The following PTPRM variants were observed in gnomAD, a reference collection of about 807,000 sequenced individuals.
PTPRM encodes protein tyrosine phosphatase receptor type M, also known as receptor-type tyrosine-protein phosphatase mu.
Under a neutral mutation model 186.7 loss-of-function variants are expected in PTPRM, and 47 were observed. The ratio of observed to expected loss-of-function variants is 0.25; its 90% CI spans 0.20 to 0.32. The LOEUF (loss-of-function observed/expected upper bound fraction) is 0.32. Among genes scored for constraint, PTPRM ranks in the 10% least tolerant of loss-of-function variants. The pLI, the probability that PTPRM is intolerant of heterozygous loss-of-function variation, is 1.00. For synonymous variants in PTPRM, 668 were observed against 674.9 expected, an observed-to-expected ratio of 0.99 and a Z score of 0.16; for missense variants, 1,494 against 1,865.0, an observed-to-expected ratio of 0.80 and a Z score of 3.66.
At position 7,937,908 on chromosome 18, in the gene PTPRM, A is replaced by C. The variant is rs183369645; in HGVS notation, c.663+11225A>C. Among the ~76,000 whole-genome samples, 3 of 152,168 alleles carry C rather than the reference A, an allele frequency of 2.0e-5. No individual in the cohort carries two copies. The East Asian group carries it at 5.8e-4, about 30-fold the overall frequency. On this transcript the variant is annotated intron_variant, in intron 5 of 32. Transcript: ENST00000580170. ...AGCCTTCCAGTGGGGCTTACTCTGCATGGGTGACTCCTGTCCTGGTCCATT... is the reference window on the plus strand; with the variant it reads ...AGCCTTCCAGTGGGGCTTACTCTGCCTGGGTGACTCCTGTCCTGGTCCATT...
chr18:8,114,530 A>G (rs1037514943), intron 12 of PTPRM, among the ~76,000 whole-genome samples: 2 of 152,154 alleles, frequency 1.3e-5, no homozygotes, highest in African/African-American at 4.8e-5. Context: ...TTACTAAAGG[A>G]GGTCCGGGGC....
chr18:7,665,747 C>A (rs1433377061), intron 1 of PTPRM, among the ~76,000 whole-genome samples: 1 of 151,866 alleles, frequency 6.6e-6, no homozygotes, highest in Non-Finnish European at 1.5e-5. Context: ...CAATGTGAAG[C>A]CTCATCTCTA....
chr18:8,378,101 A>G, intron 26 of PTPRM, 164 bp from the exon 27 acceptor site: 3 of 642,472 alleles, frequency 4.7e-6, no homozygotes, highest in Non-Finnish European at 8.0e-6. Flanking sequence ...TCTGTGTAAT[A>G]TTTGGCATTG....
chr18:8,056,026 G>C (rs1050365894), intron 7 of PTPRM, among the ~76,000 whole-genome samples: 1 of 152,090 alleles, frequency 6.6e-6, no homozygotes. Context: ...GTCTTATACC[G>C]GATCTAGTTG....
At chr18:8,196,814 C>T (rs923619612) in intron 14 of PTPRM, among the ~76,000 whole-genome samples, 1 of 152,180 alleles carries the variant, frequency 6.6e-6, no homozygotes, top group African/African-American at 2.4e-5. Flanking sequence ...TTCTTTTGAA[C>T]CTTGATGTCA....
intron 1 of PTPRM, among the ~76,000 whole-genome samples, chr18:7,638,008 C>A (rs760557985): frequency 5.9e-5 from 9 of 152,118 alleles, no homozygotes; most frequent in Non-Finnish European, 1.3e-4. Flanking sequence ...GTTCTCTATA[C>A]TTTTATTAAT....
intron 1 of PTPRM, among the ~76,000 whole-genome samples, chr18:7,703,411 G>T (rs1215881992): frequency 6.6e-6 from 1 of 152,136 alleles, no homozygotes; most frequent in South Asian, 2.1e-4. Flanking sequence ...TGGATTCTTA[G>T]GTATTTAATT....
chr18:7,875,692 TAA>T (rs899916755), intron 2 of PTPRM, among the ~76,000 whole-genome samples: 6 of 152,194 alleles, frequency 3.9e-5, no homozygotes, highest in African/African-American at 1.4e-4. Flanking sequence ...AATTTGTTTG[TAA>T]AAACCATTTC....
intron 5 of PTPRM, among the ~76,000 whole-genome samples, chr18:7,932,226 A>T (rs2051533169): frequency 6.6e-6 from 1 of 152,204 alleles, no homozygotes; most frequent in Non-Finnish European, 1.5e-5. Flanking sequence ...TGAGGTGTGC[A>T]TGTTGAGTGA....
At chr18:7,985,043 A>C (rs1416892524) in intron 7 of PTPRM, among the ~76,000 whole-genome samples, 1 of 127,162 alleles carries the variant, frequency 7.9e-6, no homozygotes, top group East Asian at 2.2e-4. Flanking sequence ...AAATATATAC[A>C]TATAATTATA....
intron 23 of PTPRM, among the ~76,000 whole-genome samples, chr18:8,348,663 G>A (rs2095518556): frequency 6.6e-6 from 1 of 152,222 alleles, no homozygotes; most frequent in East Asian, 1.9e-4. Flanking sequence ...CAAAAACTCT[G>A]TTGTGGTATT....
chr18:8,076,685 A>G lies in PTPRM; in HGVS notation c.1551+121A>G, dbSNP rs1447131703. 7.3e-6 allele frequency: 4 copies of G among 544,880 alleles called. No individual in the cohort carries two copies. In the East Asian group the frequency reaches 9.8e-5, roughly 13 times the overall value. The allele number at this position is 544,880 out of a possible 1,614,324, so 33.8% of individuals were successfully genotyped here. On this transcript the variant is annotated intron_variant, in intron 9 of 32. Transcript: ENST00000580170. ...ATATTTTAAGAAGTTTAATGCTTTC[A>G]GTAGTTATAATGGTTGTTATATAGA...
At chr18:8,021,744 T>C (rs183062729) in intron 7 of PTPRM, among the ~76,000 whole-genome samples, 91 of 152,264 alleles carry the variant, frequency 6.0e-4, no homozygotes, top group African/African-American at 1.7e-3. Context: ...TACCACATTT[T>C]CTTTATCCAG....
chr18:7,775,982 G>GT (rs1277122355), intron 2 of PTPRM, among the ~76,000 whole-genome samples: 1 of 152,076 alleles, frequency 6.6e-6, no homozygotes, highest in Non-Finnish European at 1.5e-5. Flanking sequence ...AGCACAGGCC[G>GT]TTAAAAAAAT....
At chr18:7,791,466 T>C (rs555087705) in intron 2 of PTPRM, among the ~76,000 whole-genome samples, 146 of 152,294 alleles carry the variant, frequency 9.6e-4, no homozygotes, top group African/African-American at 3.3e-3. Context: ...CACATAGACA[T>C]CCTGGTTGAA....
chr18:7,858,152 A>G (rs1207518513), intron 2 of PTPRM, among the ~76,000 whole-genome samples: 1 of 152,196 alleles, frequency 6.6e-6, no homozygotes, highest in Admixed American at 6.5e-5. Context: ...AGGATAAATA[A>G]AGGTGACGTA....
At chr18:8,397,530 A>G (rs1476134399) in intron 32 of PTPRM, among the ~76,000 whole-genome samples, 1 of 152,176 alleles carries the variant, frequency 6.6e-6, no homozygotes, top group African/African-American at 2.4e-5. Context: ...ATTTTTTTGT[A>G]TCCAGCAGGG....
At chr18:8,105,325 GA>G (rs1379937884) in intron 11 of PTPRM, among the ~76,000 whole-genome samples, 6 of 152,064 alleles carry the variant, frequency 3.9e-5, no homozygotes, top group Non-Finnish European at 5.9e-5. Context: ...TAATACTCTG[GA>G]TTCCTTTACT....
chr18:7,888,935 A>C (rs1045786220), intron 3 of PTPRM, among the ~76,000 whole-genome samples: 1 of 152,188 alleles, frequency 6.6e-6, no homozygotes, highest in Non-Finnish European at 1.5e-5. Flanking sequence ...CATGGACATA[A>C]AGATGGGAAT....
Sources: allele counts gnomAD v4.1 joint callset (sites outside exome capture counted in the v4.1 genomes callset), GRCh38; gene constraint gnomAD v4.1.1; transcripts MANE v1.5; gene names NCBI Gene and HGNC (gene_info 2026-07-23, HGNC 2026-07-21).